ANKRD31: variants seen among roughly 807,000 people sequenced by gnomAD.
ANKRD31 encodes the protein ankyrin repeat domain 31.
A neutral mutation model predicts 186.0 loss-of-function variants in ANKRD31; 147 were observed. That is an observed-to-expected ratio of 0.79 (90% CI 0.69 to 0.91). The LOEUF (loss-of-function observed/expected upper bound fraction) is 0.91, where lower values mean the gene tolerates loss of function less well. Ranked by LOEUF, ANKRD31 falls within the 40% of genes least tolerant of loss-of-function variation. ANKRD31 has a pLI of 0.00. For missense variants in ANKRD31, 1,986 were observed against 2,148.8 expected (o/e 0.92, Z 1.50); for synonymous variants, 673 against 736.4 (o/e 0.91, Z 1.39).
At chr5:75,230,124 G>A (rs1008755719) in intron 2 of ANKRD31, among the ~76,000 whole-genome samples, 3 of 151,874 alleles carry the variant, frequency 2.0e-5, no homozygotes, top group Non-Finnish European at 4.4e-5. Context: ...CCTCCAGTCC[G>A]GGGTTGGTTC....
At chr5:75,093,578 C>G (rs1469872897) in intron 22 of ANKRD31, among the ~76,000 whole-genome samples, 1 of 151,868 alleles carries the variant, frequency 6.6e-6, no homozygotes, top group Non-Finnish European at 1.5e-5. Flanking sequence ...AGGATAAATG[C>G]AGAGATCCAC....
At chr5:75,087,937 A>G (rs1018906779) in intron 23 of ANKRD31, among the ~76,000 whole-genome samples, 3 of 152,188 alleles carry the variant, frequency 2.0e-5, no homozygotes, top group African/African-American at 4.8e-5. Context: ...ATGTAGCTAG[A>G]CGCAAGAGAA....
At chr5:75,217,532 A>T (rs1757032994) in intron 3 of ANKRD31, among the ~76,000 whole-genome samples, 1 of 151,794 alleles carries the variant, frequency 6.6e-6, no homozygotes, top group South Asian at 2.1e-4. Flanking sequence ...GTCTTTTTTG[A>T]TCTTTGTTGC....
Position 75,147,191 on chromosome 5 carries a change from T to C in ANKRD31, c.2220A>G (p.Val740=). The C allele has an allele frequency of 6.5e-7, 1 of 1,536,330 alleles. No homozygotes were observed. Among genetic ancestry groups the C allele is most frequent in the East Asian group, 2.4e-5 (1 of 40,880 alleles). The change falls in exon 14 of 26, where the codon GTA becomes GTG. Residue 740 remains valine (V), a synonymous_variant. Coordinates refer to ENST00000506364, the MANE Select transcript of ANKRD31 (RefSeq NM_001372053.1). ...RRKTQHKRTQ[V]DDVDCNPRKI... ...TTCTTGGATTACAGTCTACATCATC[T>C]ACTTGGGTCCTTTTATGTTGTGTTT...
intron 12 of ANKRD31, among the ~76,000 whole-genome samples, chr5:75,152,160 G>T (rs543904165): frequency 7.6e-4 from 115 of 152,090 alleles, no homozygotes; most frequent in African/African-American, 2.7e-3. Flanking sequence ...CCAAGGTCTG[G>T]ATCTTCAGCT....
At chr5:75,219,782 A>C (rs1157995728) in intron 3 of ANKRD31, among the ~76,000 whole-genome samples, 1 of 152,216 alleles carries the variant, frequency 6.6e-6, no homozygotes, top group Non-Finnish European at 1.5e-5. Context: ...GTACTGGTAC[A>C]AAAATAGACA....
At chr5:75,145,351 A>G (rs557362529) in intron 14 of ANKRD31, among the ~76,000 whole-genome samples, 3 of 152,118 alleles carry the variant, frequency 2.0e-5, no homozygotes, top group African/African-American at 4.8e-5. Context: ...ATGCCCATCA[A>G]TGATAGACTG....
intron 25 of ANKRD31, among the ~76,000 whole-genome samples, chr5:75,076,393 G>A (rs1022569951): frequency 4.6e-5 from 7 of 152,162 alleles, no homozygotes; most frequent in Admixed American, 3.3e-4. Context: ...ACTCAGGAAA[G>A]CACTTTACTT....
intron 15 of ANKRD31, among the ~76,000 whole-genome samples, chr5:75,140,912 C>T (rs1600073): frequency 0.46 from 69,787 of 152,058 alleles, 17,771 homozygotes; most frequent in African/African-American, 0.69. Flanking sequence ...TTGCTGCCTA[C>T]GAACAATTCT....
At chr5:75,179,712 A>C (rs1315308558) in intron 10 of ANKRD31, among the ~76,000 whole-genome samples, 1 of 152,216 alleles carries the variant, frequency 6.6e-6, no homozygotes, top group East Asian at 1.9e-4. Flanking sequence ...TCAATAAATT[A>C]GGTATTGATG....
intron 2 of ANKRD31, among the ~76,000 whole-genome samples, chr5:75,226,497 G>A (rs1015586176): frequency 6.6e-5 from 10 of 152,136 alleles, no homozygotes; most frequent in African/African-American, 2.4e-4. Flanking sequence ...ATGGTAGAAA[G>A]TATTTGCAAA....
chr5:75,138,792 G>C, intron 16 of ANKRD31, 54 bp downstream of exon 16: 1 of 1,501,018 alleles, frequency 6.7e-7, no homozygotes, highest in East Asian at 2.5e-5. Context: ...GTGTTGAAAT[G>C]TGTATTTCAG....
chr5:75,107,712 C>A (rs751762607), intron 20 of ANKRD31, 95 bp from the exon 21 acceptor site: 3 of 685,688 alleles, frequency 4.4e-6, no homozygotes, highest in Non-Finnish European at 7.2e-6. Context: ...TTTTAAAAAG[C>A]GTTATTCCCT....
chr5:75,198,719 G>A (rs1755627256), intron 6 of ANKRD31, among the ~76,000 whole-genome samples: 1 of 152,164 alleles, frequency 6.6e-6, no homozygotes, highest in Non-Finnish European at 1.5e-5. Context: ...ACAGGTACTT[G>A]AGCCAGAAAT....
intron 22 of ANKRD31, among the ~76,000 whole-genome samples, chr5:75,094,097 C>T (rs780230782): frequency 6.6e-6 from 1 of 152,086 alleles, no homozygotes; most frequent in Non-Finnish European, 1.5e-5. Context: ...GGGCCTATAA[C>T]TTATAGAAAT....
intron 10 of ANKRD31, among the ~76,000 whole-genome samples, chr5:75,180,567 A>G (rs989832864): frequency 1.3e-5 from 2 of 152,212 alleles, no homozygotes; most frequent in African/African-American, 4.8e-5. Flanking sequence ...CAGAGCCCTC[A>G]GAAGTAATGC....
At chr5:75,086,369 A>G (rs1284330537) in intron 23 of ANKRD31, among the ~76,000 whole-genome samples, 2 of 152,222 alleles carry the variant, frequency 1.3e-5, no homozygotes, top group Admixed American at 1.3e-4. Context: ...ACTTCTAGAA[A>G]ATGTGCATTT....
intron 12 of ANKRD31, among the ~76,000 whole-genome samples, chr5:75,151,153 T>C (rs912577068): frequency 1.3e-5 from 2 of 151,998 alleles, no homozygotes; most frequent in African/African-American, 2.4e-5. Flanking sequence ...TAAGTATCCA[T>C]AAAATAATAA....
chr5:75,070,311 A>C (rs1561388104), intron 25 of ANKRD31, among the ~76,000 whole-genome samples: 1 of 152,216 alleles, frequency 6.6e-6, no homozygotes. Context: ...TAGTTTCATC[A>C]TTTAAACACT....
Sources: gnomAD v4.1 joint callset for allele counts (sites outside exome capture counted in the v4.1 genomes callset) on GRCh38, gnomAD v4.1.1 for gene constraint, MANE v1.5 for transcripts, NCBI Gene and HGNC (gene_info 2026-07-23, HGNC 2026-07-21) for gene names.